The following KCNJ6 variants were observed in gnomAD, a reference collection of about 807,000 sequenced individuals.
KCNJ6 encodes the protein G protein-activated inward rectifier potassium channel 2.
A neutral mutation model predicts 34.2 loss-of-function variants in KCNJ6; 9 were observed. The ratio of observed to expected loss-of-function variants is 0.26; its 90% CI spans 0.16 to 0.46. KCNJ6 has a LOEUF of 0.46. KCNJ6 is among the 20% of genes least tolerant of loss of function. The probability of loss-of-function intolerance (pLI) is 1.00; values close to 1 mark genes in which losing one functional copy is unlikely to be tolerated. For synonymous variants in KCNJ6, 196 were observed against 207.1 expected, an observed-to-expected ratio of 0.95 and a Z score of 0.46; for missense variants, 236 against 531.3, an observed-to-expected ratio of 0.44 and a Z score of 5.46.
chr21:37,748,733 C>T (rs905457927), intron 2 of KCNJ6, among the ~76,000 whole-genome samples: 2 of 152,216 alleles, frequency 1.3e-5, no homozygotes, highest in East Asian at 3.8e-4. Flanking sequence ...TTGCAATTTA[C>T]TTTTTGTTCA....
At chr21:37,679,033 T>C (rs1160347133) in intron 3 of KCNJ6, among the ~76,000 whole-genome samples, 1 of 152,204 alleles carries the variant, frequency 6.6e-6, no homozygotes, top group African/African-American at 2.4e-5. Flanking sequence ...TCTTTCTCTC[T>C]GGAATTGTTT....
intron 3 of KCNJ6, among the ~76,000 whole-genome samples, chr21:37,691,366 T>C (rs541506060): frequency 7.9e-5 from 12 of 152,306 alleles, no homozygotes; most frequent in African/African-American, 2.6e-4. Context: ...TTGGGGGCTG[T>C]GATGCTCCCA....
At chr21:37,837,444 C>T (rs564600586) in intron 2 of KCNJ6, among the ~76,000 whole-genome samples, 4 of 152,242 alleles carry the variant, frequency 2.6e-5, no homozygotes, top group South Asian at 2.1e-4. Context: ...ATGAATGGCA[C>T]GTAGCGGAAA....
intron 1 of KCNJ6, among the ~76,000 whole-genome samples, chr21:37,855,453 T>C (rs970404501): frequency 6.6e-6 from 1 of 152,230 alleles, no homozygotes; most frequent in African/African-American, 2.4e-5. Flanking sequence ...AACCTTTCTA[T>C]AGAATACTAG....
At chr21:37,705,115 A>G (rs933882695) in intron 3 of KCNJ6, among the ~76,000 whole-genome samples, 15 of 152,230 alleles carry the variant, frequency 9.9e-5, no homozygotes, top group Non-Finnish European at 1.6e-4. Context: ...TGGAGAAGCC[A>G]TGGCCTGTAA....
chr21:37,771,385 T>C (rs1475415985), intron 2 of KCNJ6, among the ~76,000 whole-genome samples: 1 of 152,220 alleles, frequency 6.6e-6, no homozygotes, highest in African/African-American at 2.4e-5. Flanking sequence ...AGCTTCAGCT[T>C]GTGCCCAAGA....
rs190120769 is a variant in KCNJ6 at position 37,858,061 on chromosome 21, C to T, written c.-27-17352G>A. ...GAGTTTGTATCCTAGGAGAAGAAAA[C>T]AGAATTAGCAGAAAAATATTTAGAT... is the stretch of plus-strand genomic sequence containing the variant. On this transcript the variant is annotated intron_variant, in intron 1 of 3. Transcript: ENST00000609713. Among the ~76,000 whole-genome samples, 37 of 152,016 alleles carry T rather than the reference C, an allele frequency of 2.4e-4. No individual in the cohort carries two copies. In the East Asian group the frequency reaches 6.8e-3, roughly 28 times the overall value.
chr21:37,619,408 A>C lies in KCNJ6; in HGVS notation c.*5751T>G, dbSNP rs1304895077. 1 of 152,236 alleles carries C rather than the reference A, an allele frequency of 6.6e-6. No homozygotes were observed. Among genetic ancestry groups the C allele is most frequent in the African/African-American group, 2.4e-5 (1 of 41,458 alleles). The allele number at this position is 152,236 out of a possible 1,614,324, so 9.4% of individuals were successfully genotyped here. ...CAGACTCAGAAAGCGCAAGAAATCCAACAACCCTTTACTATACTTCCGTGT... is the reference window on the plus strand; with the variant it reads ...CAGACTCAGAAAGCGCAAGAAATCCCACAACCCTTTACTATACTTCCGTGT... On this transcript the variant is annotated 3_prime_UTR_variant, in exon 4 of 4. Transcript: ENST00000609713.
intron 3 of KCNJ6, among the ~76,000 whole-genome samples, chr21:37,658,349 T>A (rs966870265): frequency 6.6e-6 from 1 of 152,240 alleles, no homozygotes; most frequent in African/African-American, 2.4e-5. Context: ...CCTACCCACG[T>A]GGGGGAATTT....
rs141015204 is a variant in KCNJ6 at position 37,835,741 on chromosome 21, A to C, written c.25+4917T>G. On this transcript the variant is annotated intron_variant, in intron 2 of 3. Coordinates refer to ENST00000609713, the MANE Select transcript of KCNJ6 (RefSeq NM_002240.5). The stretch of plus-strand genomic sequence containing the variant: ...GAGCCTCCACTAGAATCAGGCTTTC[A>C]GTTTCATTTCAGTCAGTGGGTGTAG... 1.1e-3 allele frequency among the ~76,000 whole-genome samples: 175 copies of C among 152,292 alleles called. 4 individuals are homozygous for C. Among genetic ancestry groups the C allele is most frequent in the East Asian group, 0.01 (52 of 5,172 alleles).
At chr21:37,766,436 G>A (rs570806515) in intron 2 of KCNJ6, among the ~76,000 whole-genome samples, 1 of 152,248 alleles carries the variant, frequency 6.6e-6, no homozygotes, top group South Asian at 2.1e-4. Context: ...GTTTTGGCAG[G>A]ATTTTGATCA....
intron 2 of KCNJ6, among the ~76,000 whole-genome samples, chr21:37,828,066 C>A (rs2055407315): frequency 6.6e-6 from 1 of 152,178 alleles, no homozygotes; most frequent in Non-Finnish European, 1.5e-5. Flanking sequence ...GCACTACACC[C>A]TCTGTGGACG....
intron 3 of KCNJ6, among the ~76,000 whole-genome samples, chr21:37,707,204 A>C (rs888066996): frequency 6.6e-6 from 1 of 152,198 alleles, no homozygotes; most frequent in Non-Finnish European, 1.5e-5. Flanking sequence ...TGTTTTGACT[A>C]TTCAGAGTGG....
chr21:37,676,727 T>C (rs2054566581), intron 3 of KCNJ6, among the ~76,000 whole-genome samples: 2 of 152,178 alleles, frequency 1.3e-5, no homozygotes, highest in African/African-American at 4.8e-5. Flanking sequence ...ACATTTTTGA[T>C]TGTCAAACTG....
intron 2 of KCNJ6, among the ~76,000 whole-genome samples, chr21:37,790,043 T>A (rs1027370843): frequency 1.3e-4 from 20 of 152,162 alleles, no homozygotes; most frequent in Non-Finnish European, 2.8e-4. Flanking sequence ...GAGTTTGGGA[T>A]AAAGTAAGGT....
chr21:37,874,747 C>A (rs1033435102), intron 1 of KCNJ6, among the ~76,000 whole-genome samples: 1 of 152,134 alleles, frequency 6.6e-6, no homozygotes, highest in East Asian at 1.9e-4. Flanking sequence ...CAGGCCTCAA[C>A]CTTAGAGTCA....
intron 1 of KCNJ6, among the ~76,000 whole-genome samples, chr21:37,853,926 TAAAC>T (rs2055551552): frequency 6.8e-6 from 1 of 146,188 alleles, no homozygotes; most frequent in African/African-American, 2.5e-5. Flanking sequence ...CTGAAAAAGC[TAAAC>T]AAAGAGATAT....
intron 3 of KCNJ6, among the ~76,000 whole-genome samples, chr21:37,680,267 G>T (rs558122069): frequency 1.3e-5 from 2 of 152,110 alleles, no homozygotes; most frequent in Non-Finnish European, 2.9e-5. Context: ...AAGCCCTCTC[G>T]AGACAATTCA....
chr21:37,914,093 C>T (rs1231057003), intron 1 of KCNJ6, among the ~76,000 whole-genome samples: 1 of 150,870 alleles, frequency 6.6e-6, no homozygotes, highest in African/African-American at 2.4e-5. Context: ...AGGACAGAAT[C>T]CTGTCTCCAC....
Sources: gnomAD v4.1 joint callset for allele counts (sites outside exome capture counted in the v4.1 genomes callset) on GRCh38, gnomAD v4.1.1 for gene constraint, MANE v1.5 for transcripts, NCBI Gene and HGNC (gene_info 2026-07-23, HGNC 2026-07-21) for gene names.